PDE1A: variants seen among roughly 807,000 people sequenced by gnomAD.
PDE1A encodes the protein phosphodiesterase 1A, also known as dual specificity calcium/calmodulin-dependent 3',5'-cyclic nucleotide phosphodiesterase 1A.
PDE1A carries 35 observed loss-of-function variants against 61.7 expected under a neutral mutation model. The observed-to-expected ratio is 0.57, with a 90% CI of 0.43 to 0.75. PDE1A has a LOEUF of 0.75. Ranked by LOEUF, PDE1A falls within the 30% of genes least tolerant of loss-of-function variation. PDE1A has a pLI of 0.00. For missense variants in PDE1A, 597 were observed against 630.6 expected, an observed-to-expected ratio of 0.95 and a Z score of 0.57; for synonymous variants, 232 against 213.2, an observed-to-expected ratio of 1.09 and a Z score of -0.77.
chr2:182,449,581 T>C (rs1428576701), intron 2 of PDE1A, among the ~76,000 whole-genome samples: 1 of 152,088 alleles, frequency 6.6e-6, no homozygotes, highest in Non-Finnish European at 1.5e-5. Flanking sequence ...GTCTGATTTT[T>C]ATGCCATACA....
intron 1 of PDE1A, among the ~76,000 whole-genome samples, chr2:182,327,401 C>T (rs1697113727): frequency 1.3e-5 from 2 of 152,120 alleles, no homozygotes; most frequent in Admixed American, 1.3e-4. Flanking sequence ...AATTAAATCC[C>T]TCAAATAGGA....
chr2:182,176,349 CT>C (rs1321113021), intron 13 of PDE1A, among the ~76,000 whole-genome samples: 1 of 149,458 alleles, frequency 6.7e-6, no homozygotes, highest in Admixed American at 6.6e-5. Context: ...TTTGTATCCT[CT>C]TTTATTTCCT....
At chr2:182,572,983 T>C in the PDE1A span, among the ~76,000 whole-genome samples, 1 of 151,780 alleles carries the variant, frequency 6.6e-6, no homozygotes, top group East Asian at 1.9e-4. Context: ...GAATTCAACA[T>C]CTAACTTTCC....
At chr2:182,709,031 T>C in the PDE1A span, among the ~76,000 whole-genome samples, 8 of 152,216 alleles carry the variant, frequency 5.3e-5, no homozygotes, top group African/African-American at 1.9e-4. Flanking sequence ...CTATTTACAT[T>C]TGAGTATCTT....
chr2:182,320,437 T>C (rs833126), intron 1 of PDE1A, among the ~76,000 whole-genome samples: 41,256 of 151,966 alleles, frequency 0.27, 5,735 homozygotes, highest in Middle Eastern at 0.37. Flanking sequence ...CAGCTTCACA[T>C]AGGCTCAAGA....
intron 1 of PDE1A, among the ~76,000 whole-genome samples, chr2:182,298,085 G>A (rs936014969): frequency 4.6e-5 from 7 of 152,148 alleles, no homozygotes; most frequent in African/African-American, 1.7e-4. Flanking sequence ...TTCCATTTCT[G>A]GCTGTAATTG....
At chr2:182,245,047 A>T (rs1306157784) in intron 2 of PDE1A, among the ~76,000 whole-genome samples, 1 of 152,238 alleles carries the variant, frequency 6.6e-6, no homozygotes, top group Non-Finnish European at 1.5e-5. Flanking sequence ...GGAAGCCTCC[A>T]AAGCCAGCCA....
At chr2:182,479,331 T>A (rs1267348366) in intron 2 of PDE1A, among the ~76,000 whole-genome samples, 1 of 151,954 alleles carries the variant, frequency 6.6e-6, no homozygotes, top group South Asian at 2.1e-4. Flanking sequence ...AAGATAGTTA[T>A]GTTGACAGCT....
At chr2:182,305,789 G>T (rs833128) in intron 1 of PDE1A, among the ~76,000 whole-genome samples, 38,998 of 151,470 alleles carry the variant, frequency 0.26, 5,027 homozygotes, top group Middle Eastern at 0.41. Flanking sequence ...ATATTTATGA[G>T]GTAAAAGTGA....
At chr2:182,225,667 A>T (rs1424930470) in intron 6 of PDE1A, among the ~76,000 whole-genome samples, 2 of 150,714 alleles carry the variant, frequency 1.3e-5, no homozygotes, top group African/African-American at 5.0e-5. Context: ...GGGGTTTAAA[A>T]AGAAGTTTTG....
exon 1 of PDE1A, chr2:182,426,605 T>C: frequency 1.6e-5 from 26 of 1,612,454 alleles, no homozygotes; most frequent in Non-Finnish European, 2.2e-5. Context: ...GAGATGTTTC[T>C]TCCTGATTGT....
chr2:182,306,800 T>G (rs1344634412), intron 1 of PDE1A, among the ~76,000 whole-genome samples: 1 of 152,122 alleles, frequency 6.6e-6, no homozygotes, highest in Admixed American at 6.5e-5. Flanking sequence ...TAGAATAAAC[T>G]CAAAATGGAT....
At chr2:182,372,510 C>T (rs1700173763) in intron 1 of PDE1A, among the ~76,000 whole-genome samples, 1 of 152,170 alleles carries the variant, frequency 6.6e-6, no homozygotes, top group South Asian at 2.1e-4. Context: ...AAGAATTAAA[C>T]AGGTAACACT....
intron 1 of PDE1A, among the ~76,000 whole-genome samples, chr2:182,289,478 G>C (rs1352685362): frequency 6.6e-6 from 1 of 151,954 alleles, no homozygotes; most frequent in African/African-American, 2.4e-5. Flanking sequence ...TAAATAACAT[G>C]GATATAAATA....
intron 2 of PDE1A, among the ~76,000 whole-genome samples, chr2:182,509,327 G>C (rs1689636845): frequency 1.3e-5 from 2 of 152,196 alleles, no homozygotes; most frequent in African/African-American, 2.4e-5. Flanking sequence ...AACAAAATTG[G>C]GGAGTTTCTG....
chr2:182,571,589 A>G, the PDE1A span, among the ~76,000 whole-genome samples: 10 of 152,128 alleles, frequency 6.6e-5, no homozygotes, highest in South Asian at 4.1e-4. Flanking sequence ...TGGATTAAAG[A>G]TAACATTCAA....
intron 1 of PDE1A, among the ~76,000 whole-genome samples, chr2:182,409,884 T>C (rs935980162): frequency 6.6e-6 from 1 of 152,214 alleles, no homozygotes; most frequent in Non-Finnish European, 1.5e-5. Flanking sequence ...ATAGTTTATA[T>C]AGCCAAGTCA....
chr2:182,472,838 CT>C (rs1375381377), intron 2 of PDE1A, among the ~76,000 whole-genome samples: 1 of 151,750 alleles, frequency 6.6e-6, no homozygotes, highest in Non-Finnish European at 1.5e-5. Context: ...AAAAACAAAA[CT>C]TTTTTTAAAT....
chr2:182,653,186 C>T, the PDE1A span, among the ~76,000 whole-genome samples: 1 of 152,076 alleles, frequency 6.6e-6, no homozygotes, highest in Admixed American at 6.6e-5. Flanking sequence ...GCAAATATTC[C>T]CCTAATATAG....
Sources: gnomAD v4.1 joint callset for allele counts (sites outside exome capture counted in the v4.1 genomes callset) on GRCh38, gnomAD v4.1.1 for gene constraint, MANE v1.5 for transcripts, NCBI Gene and HGNC (gene_info 2026-07-23, HGNC 2026-07-21) for gene names.